PRKDC: variants seen among roughly 807,000 people sequenced by gnomAD.
PRKDC encodes DNA-dependent protein kinase catalytic subunit.
In PRKDC, 82 loss-of-function variants were observed where a neutral mutation model predicts 486.9. That is an observed-to-expected ratio of 0.17 (90% CI 0.14 to 0.20). PRKDC has a LOEUF of 0.20. Among genes scored for constraint, PRKDC ranks in the 10% least tolerant of loss-of-function variants. PRKDC has a pLI of 1.00. For missense variants in PRKDC, 4,504 were observed against 5,038.2 expected (o/e 0.89, Z 3.21); for synonymous variants, 1,895 against 1,837.0 (o/e 1.03, Z -0.81).
chr8:47,893,200 G>A lies in PRKDC; in HGVS notation c.3786C>T (p.Ala1262=), dbSNP rs56271641. Residue 1262 remains alanine, a synonymous_variant, in exon 31 of 86, where the codon GCC becomes GCT. Transcript: ENST00000314191. ...ATLCWLDLLL[A]ALECYNTFIG... ...TGAACGTGTTGTAGCACTCCAACGCGGCCAGGAGCAGGTCCAGCCAGCATA... is the reference window on the plus strand; with the variant it reads ...TGAACGTGTTGTAGCACTCCAACGCAGCCAGGAGCAGGTCCAGCCAGCATA... The A allele has an allele frequency of 4.3e-5, 70 of 1,612,932 alleles. No homozygotes were observed. Among genetic ancestry groups the A allele is most frequent in the Non-Finnish European group, 5.7e-5 (67 of 1,179,444 alleles).
At position 47,887,688 on chromosome 8, in the gene PRKDC, A is replaced by G. The variant is rs1295588826; in HGVS notation, c.4431T>C (p.His1477=). ...ILPSQSTDLH[H]SVGTELLSLV... Reference sequence around the variant, plus strand: ...GGGAAAGAAGTTCTGTGCCAACAGAATGATGCAAATCTGTGGACTAAAAGG... The same window carrying G: ...GGGAAAGAAGTTCTGTGCCAACAGAGTGATGCAAATCTGTGGACTAAAAGG... Residue 1477 remains histidine, a synonymous_variant, in exon 35 of 86, where the codon CAT becomes CAC. Coordinates refer to ENST00000314191, the MANE Select transcript of PRKDC (RefSeq NM_006904.7). The G allele has an allele frequency of 1.6e-5, 25 of 1,609,672 alleles. No homozygotes were observed. Among genetic ancestry groups the G allele is most frequent in the Non-Finnish European group, 2.1e-5 (25 of 1,178,066 alleles).
chr8:47,908,953 T>C (rs759022338), intron 25 of PRKDC, among the ~76,000 whole-genome samples: 2 of 152,182 alleles, frequency 1.3e-5, no homozygotes, highest in Non-Finnish European at 2.9e-5. Context: ...TGAACTCTTC[T>C]CAACTAGGCC....
At position 47,800,946 on chromosome 8, in the gene PRKDC, C is replaced by T. The variant is rs1283705549; in HGVS notation, c.9963G>A (p.Leu3321=). Residue 3321 remains leucine, a synonymous_variant, in exon 71 of 86, where the codon CTG becomes CTA. Coordinates refer to ENST00000314191, the MANE Select transcript of PRKDC (RefSeq NM_006904.7). ...AGAGAATGTTCTGGTCACGGAAAGC[C>T]AGAATATTTTTGCTTAAGTAGCTTG... ...NVSSYLSKNI[L]AFRDQNILLG... 10 of 1,613,802 alleles carry T rather than the reference C, an allele frequency of 6.2e-6. No homozygotes were observed. The highest frequency in any genetic ancestry group is 8.5e-6 in the Non-Finnish European group (10 of 1,179,854).
In PRKDC at chr8:47,794,510, G is replaced by C; in HGVS notation, c.10459-9C>G. The stretch of plus-strand genomic sequence containing the variant: ...CAGGGAACGGAAGAGATCTAAAACA[G>C]AGAGCTGAAACTTAATGCTGAGTAA... On this transcript the variant is annotated splice_polypyrimidine_tract_variant and intron_variant, in intron 73 of 85. Transcript: ENST00000314191. 2 of 1,580,482 alleles carry C rather than the reference G, an allele frequency of 1.3e-6. No homozygotes were observed. Among genetic ancestry groups the C allele is most frequent in the East Asian group, 4.5e-5 (2 of 44,616 alleles).
chr8:47,943,819 A>G (rs1328369767), intron 9 of PRKDC, 34 bp downstream of exon 9: 2 of 1,497,922 alleles, frequency 1.3e-6, no homozygotes, highest in Non-Finnish European at 1.8e-6. Context: ...TTAGTAATCT[A>G]AAATATTATA....
At chr8:47,857,068 G>C in intron 49 of PRKDC, 88 bp downstream of exon 49, 2 of 1,372,236 alleles carry the variant, frequency 1.5e-6, no homozygotes, top group Non-Finnish European at 1.9e-6. Context: ...AGCACAGTCA[G>C]TGAGAGGGAC....
At chr8:47,816,145 C>T (rs1003601733) in intron 68 of PRKDC, among the ~76,000 whole-genome samples, 1 of 151,710 alleles carries the variant, frequency 6.6e-6, no homozygotes, top group Admixed American at 6.6e-5. Flanking sequence ...ACCTGGGAGG[C>T]GGAGGTTGCA....
At position 47,942,062 on chromosome 8, in the gene PRKDC, G is replaced by A. The variant is rs8178013; in HGVS notation, c.966+1147C>T. 7.9e-5 allele frequency among the ~76,000 whole-genome samples: 12 copies of A among 152,284 alleles called. No homozygotes were observed. In the East Asian group the frequency reaches 2.1e-3, roughly 27 times the overall value. ...CATCGCTAGGGAACAAGGCCCCCAG[G>A]GTGCCACCAGGGATGATCCCTCTGC... On this transcript the variant is annotated intron_variant, in intron 10 of 85. Transcript: ENST00000314191.
chr8:47,909,339 A>C (rs1188534443), intron 25 of PRKDC, among the ~76,000 whole-genome samples: 2 of 152,224 alleles, frequency 1.3e-5, no homozygotes, highest in East Asian at 1.9e-4. Flanking sequence ...TAAATTGTGA[A>C]GATTTCATGG....
Position 47,778,613 on chromosome 8 carries a change from A to C in PRKDC, c.11699T>G (p.Leu3900Arg). ...MSTSPEAFLA[L>R]RSHFASSHAL... ...GTGAGAGCTGGCGAAGTGGGAGCGG[A>C]GCGCCAGGAAAGCCTCAGGGCTTGT... The change falls in exon 83 of 86, where the codon CTC (leucine) becomes CGC (arginine). Residue 3900 changes from leucine to arginine, a missense_variant. Physicochemically the swap from Leu to Arg is moderately radical, Grantham distance 102. Transcript: ENST00000314191. 1 of 1,613,752 alleles carries C rather than the reference A, an allele frequency of 6.2e-7. No individual in the cohort carries two copies. The highest frequency in any genetic ancestry group is 8.5e-7 in the Non-Finnish European group (1 of 1,179,798).
chr8:47,936,622 G>A (rs554417132), intron 11 of PRKDC, 105 bp from the exon 12 acceptor site: 112 of 1,358,866 alleles, frequency 8.2e-5, no homozygotes, highest in Non-Finnish European at 1.0e-4. Context: ...GTTTAACAAG[G>A]CTTCTTTTTT....
intron 68 of PRKDC, among the ~76,000 whole-genome samples, chr8:47,814,185 A>G (rs893209674): frequency 6.6e-6 from 1 of 152,256 alleles, no homozygotes; most frequent in Non-Finnish European, 1.5e-5. Flanking sequence ...CATTCATGAT[A>G]AAACAAAACT....
intron 10 of PRKDC, among the ~76,000 whole-genome samples, chr8:47,940,347 G>C (rs76230402): frequency 0.019 from 2,917 of 152,248 alleles, 96 homozygotes; most frequent in African/African-American, 0.067. Context: ...AACTAATACA[G>C]GTATTCAAAG....
chr8:47,828,294 C>G lies in PRKDC; in HGVS notation c.8451G>C (p.Leu2817Phe), dbSNP rs751644210. 1.9e-6 allele frequency: 3 copies of G among 1,603,432 alleles called. No homozygotes were observed. The East Asian group carries it at 6.7e-5, about 36-fold the overall frequency. ...QLFSSLFSGI[L>F]KEMDKFKTLS... ...GTGTCTTAAATTTATCCATCTCTTT[C>G]AAAATTCCAGAAAACAAGCTGCTAA... Residue 2817 changes from leucine (L) to phenylalanine (F), a missense_variant, in exon 62 of 86, where the codon TTG becomes TTC. By Grantham distance (22) the Leu-to-Phe change is conservative. Transcript: ENST00000314191.
chr8:47,824,805 C>T (rs1412334884), intron 63 of PRKDC, among the ~76,000 whole-genome samples: 1 of 152,130 alleles, frequency 6.6e-6, no homozygotes, highest in Admixed American at 6.6e-5. Flanking sequence ...TGTTCCCTTC[C>T]TCCAGGAAAT....
chr8:47,888,986 T>C (rs368593907), intron 33 of PRKDC, 28 bp downstream of exon 33: 7 of 1,595,424 alleles, frequency 4.4e-6, no homozygotes, highest in Non-Finnish European at 6.0e-6. Context: ...CAGGACAACA[T>C]GTCCCCGATT....
At chr8:47,908,387 A>G (rs1046308162) in intron 25 of PRKDC, among the ~76,000 whole-genome samples, 1 of 152,200 alleles carries the variant, frequency 6.6e-6, no homozygotes, top group Non-Finnish European at 1.5e-5. Flanking sequence ...CACATTATAC[A>G]TGTTACAATG....
chr8:47,780,831 G>A (rs570419274), intron 80 of PRKDC, among the ~76,000 whole-genome samples: 25 of 152,160 alleles, frequency 1.6e-4, no homozygotes, highest in Admixed American at 2.6e-4. Flanking sequence ...TCAGCTACTC[G>A]GAAGGCTGAG....
At chr8:47,884,904 A>C (rs1281302134) in intron 36 of PRKDC, among the ~76,000 whole-genome samples, 2 of 152,204 alleles carry the variant, frequency 1.3e-5, no homozygotes, top group Non-Finnish European at 2.9e-5. Flanking sequence ...ATGATAACTC[A>C]GCATCGAGGC....
Sources: allele counts gnomAD v4.1 joint callset (sites outside exome capture counted in the v4.1 genomes callset), GRCh38; gene constraint gnomAD v4.1.1; transcripts MANE v1.5; gene names NCBI Gene and HGNC (gene_info 2026-07-23, HGNC 2026-07-21).